RBFOX1: variants seen among roughly 807,000 people sequenced by gnomAD.
RBFOX1 encodes RNA binding protein fox-1 homolog 1.
In RBFOX1, 8 loss-of-function variants were observed where a neutral mutation model predicts 57.7. That is an observed-to-expected ratio of 0.14 (90% CI 0.08 to 0.25). The LOEUF (loss-of-function observed/expected upper bound fraction) is 0.25. RBFOX1 is among the 10% of genes least tolerant of loss of function. The pLI is 1.00. For missense variants in RBFOX1, 611 were observed against 548.5 expected (o/e 1.11, Z -1.14); for synonymous variants, 326 against 222.4 (o/e 1.47, Z -4.15).
At chr16:7,330,862 C>T (rs571322356) in intron 4 of RBFOX1, among the ~76,000 whole-genome samples, 3 of 152,134 alleles carry the variant, frequency 2.0e-5, no homozygotes, top group Non-Finnish European at 4.4e-5. Context: ...GGGAGAGACA[C>T]GTCCGTCTCA....
At chr16:5,913,793 G>T (rs1278549851) in intron 4 of RBFOX1, among the ~76,000 whole-genome samples, 1 of 152,218 alleles carries the variant, frequency 6.6e-6, no homozygotes, top group Non-Finnish European at 1.5e-5. Flanking sequence ...CTTTGTTAAA[G>T]GTTTGAGAAA....
chr16:6,984,011 G>C (rs758760613), intron 3 of RBFOX1, among the ~76,000 whole-genome samples: 2 of 152,154 alleles, frequency 1.3e-5, no homozygotes, highest in Non-Finnish European at 2.9e-5. Flanking sequence ...ACTTTGGGAG[G>C]CCAAGGTGGG....
intron 4 of RBFOX1, among the ~76,000 whole-genome samples, chr16:5,971,286 A>G (rs1267054317): frequency 6.6e-6 from 1 of 152,232 alleles, no homozygotes; most frequent in African/African-American, 2.4e-5. Context: ...CTCCCATAAC[A>G]GTCCTTGTCA....
rs139224172 is a variant in RBFOX1, at chr16:5,295,540, G to C, written c.219+55435G>C. On this transcript the variant is annotated intron_variant, in intron 1 of 2. Coordinates refer to the RBFOX1 transcript ENST00000585867. Reference sequence around the variant, plus strand: ...GATTGATCTGCTTCCAGGCTCATCTGGTTGTTGGCAGCATTCAGTTCCTTG... The same window carrying C: ...GATTGATCTGCTTCCAGGCTCATCTCGTTGTTGGCAGCATTCAGTTCCTTG... Among the ~76,000 whole-genome samples the C allele has an allele frequency of 3.9e-4, 59 of 152,276 alleles. 1 individual carries two copies. The East Asian group carries it at 6.6e-3, about 17-fold the overall frequency.
intron 1 of RBFOX1, among the ~76,000 whole-genome samples, chr16:5,248,200 C>G (rs2333761): frequency 6.6e-6 from 1 of 152,242 alleles, no homozygotes; most frequent in Non-Finnish European, 1.5e-5. Flanking sequence ...GCGAGCACAA[C>G]AACTGGCGTT....
chr16:6,985,527 G>C (rs530562433), intron 3 of RBFOX1, among the ~76,000 whole-genome samples: 1 of 152,090 alleles, frequency 6.6e-6, no homozygotes, highest in Non-Finnish European at 1.5e-5. Flanking sequence ...GAAAATACTG[G>C]ATTAGAAAGA....
At chr16:7,147,379 G>A (rs540790829) in intron 4 of RBFOX1, among the ~76,000 whole-genome samples, 24 of 149,454 alleles carry the variant, frequency 1.6e-4, no homozygotes, top group African/African-American at 5.9e-4. Context: ...CAGGTAAACT[G>A]CATGTTCCTG....
At chr16:7,512,766 C>G (rs1335328279) in intron 4 of RBFOX1, among the ~76,000 whole-genome samples, 1 of 152,240 alleles carries the variant, frequency 6.6e-6, no homozygotes, top group East Asian at 1.9e-4. Context: ...ATTTCAAAGT[C>G]AGGCGTCAGG....
chr16:6,136,113 A>G (rs950696432), intron 1 of RBFOX1, among the ~76,000 whole-genome samples: 5 of 151,936 alleles, frequency 3.3e-5, no homozygotes, highest in African/African-American at 1.2e-4. Flanking sequence ...CCTTTTTGCC[A>G]TTGACTTTAG....
chr16:6,240,290 G>A (rs905307261), intron 1 of RBFOX1, among the ~76,000 whole-genome samples: 1 of 152,118 alleles, frequency 6.6e-6, no homozygotes, highest in Non-Finnish European at 1.5e-5. Flanking sequence ...TGCAAGAGTG[G>A]CCTAACACGG....
intron 3 of RBFOX1, among the ~76,000 whole-genome samples, chr16:6,801,386 A>T (rs954251185): frequency 2.6e-5 from 4 of 152,170 alleles, no homozygotes; most frequent in Non-Finnish European, 4.4e-5. Context: ...ATCTATCTTT[A>T]TACTAGTTCC....
In RBFOX1 at chr16:7,048,675, G is replaced by A. The variant is rs1431406661; in HGVS notation, c.-15-3382G>A. Among the ~76,000 whole-genome samples the A allele has an allele frequency of 2.6e-5, 4 of 151,614 alleles. No individual in the cohort carries two copies. The East Asian group carries it at 7.8e-4, about 30-fold the overall frequency. On this transcript the variant is annotated intron_variant, in intron 3 of 15. Coordinates refer to ENST00000550418, the MANE Select transcript of RBFOX1 (RefSeq NM_018723.4). The stretch of plus-strand genomic sequence containing the variant: ...GTCGTTTTATAACAGCTGCTTTAAA[G>A]TTTTTATTTGATAATTCCAACATCT...
At chr16:7,428,751 T>C (rs906368007) in intron 4 of RBFOX1, among the ~76,000 whole-genome samples, 1 of 151,932 alleles carries the variant, frequency 6.6e-6, no homozygotes, top group African/African-American at 2.4e-5. Context: ...ATGATATATG[T>C]GGATTTTTCT....
chr16:7,123,260 T>G (rs1050624516), intron 4 of RBFOX1, among the ~76,000 whole-genome samples: 2 of 152,204 alleles, frequency 1.3e-5, no homozygotes, highest in African/African-American at 4.8e-5. Flanking sequence ...ATATTTTTGT[T>G]GTTATATCTC....
At chr16:5,929,641 C>T (rs971357206) in intron 4 of RBFOX1, among the ~76,000 whole-genome samples, 2 of 152,186 alleles carry the variant, frequency 1.3e-5, no homozygotes, top group Non-Finnish European at 1.5e-5. Context: ...AAGTGAAAGA[C>T]TTCATAGTGT....
intron 2 of RBFOX1, among the ~76,000 whole-genome samples, chr16:6,438,864 G>A (rs537024061): frequency 6.6e-6 from 1 of 152,286 alleles, no homozygotes; most frequent in East Asian, 1.9e-4. Context: ...TTAACATTGT[G>A]CATGGTACTT....
chr16:6,745,616 AAGCTC>A (rs1421381465), intron 3 of RBFOX1, among the ~76,000 whole-genome samples: 3 of 152,214 alleles, frequency 2.0e-5, no homozygotes, highest in Non-Finnish European at 4.4e-5. Context: ...GTTTTTTAAA[AAGCTC>A]AGCAAGAATA....
intron 4 of RBFOX1, among the ~76,000 whole-genome samples, chr16:7,360,136 C>A (rs1596404869): frequency 6.6e-6 from 1 of 152,180 alleles, no homozygotes; most frequent in Non-Finnish European, 1.5e-5. Flanking sequence ...ATGGATGGAA[C>A]TTTATCTCAT....
chr16:5,528,801 C>T (rs1425568937), intron 2 of RBFOX1, among the ~76,000 whole-genome samples: 1 of 151,938 alleles, frequency 6.6e-6, no homozygotes, highest in Non-Finnish European at 1.5e-5. Flanking sequence ...AGGTCTGCAC[C>T]ACCATGCTTG....
Sources: allele counts gnomAD v4.1 joint callset (sites outside exome capture counted in the v4.1 genomes callset), GRCh38; gene constraint gnomAD v4.1.1; transcripts MANE v1.5; gene names NCBI Gene and HGNC (gene_info 2026-07-23, HGNC 2026-07-21).